Variants in KCNH8 observed in about 807,000 individuals in gnomAD.
KCNH8 encodes potassium voltage-gated channel subfamily H member 8.
KCNH8 carries 70 observed loss-of-function variants against 103.6 expected under a neutral mutation model. The ratio of observed to expected loss-of-function variants is 0.68; its 90% CI spans 0.56 to 0.82. The LOEUF is 0.82. Among genes scored for constraint, KCNH8 ranks in the 40% least tolerant of loss-of-function variants. KCNH8 has a pLI of 0.00. For missense variants in KCNH8, 1,217 were observed against 1,329.9 expected (o/e 0.92, Z 1.32); for synonymous variants, 498 against 489.4 (o/e 1.02, Z -0.23).
intron 3 of KCNH8, among the ~76,000 whole-genome samples, chr3:19,308,706 CTCTCTCTCTCT>C (rs2065166032): frequency 1.6e-4 from 13 of 82,182 alleles, no homozygotes; most frequent in African/African-American, 5.0e-4. Flanking sequence ...CTCTCTCTCT[CTCTCTCTCTCT>C]CCCCCTCTCT....
At chr3:19,260,495 T>G (rs1322069514) in intron 2 of KCNH8, among the ~76,000 whole-genome samples, 1,412 of 78,588 alleles carry the variant, frequency 0.018, 33 homozygotes, top group Non-Finnish European at 0.024. Flanking sequence ...AGGATATATA[T>G]ATATATATAT....
chr3:19,323,844 A>T (rs1019727302), intron 3 of KCNH8, among the ~76,000 whole-genome samples: 29 of 152,160 alleles, frequency 1.9e-4, no homozygotes, highest in African/African-American at 5.5e-4. Flanking sequence ...AAAGAGTCCT[A>T]TGATGTGATT....
At chr3:19,491,991 A>C (rs1288446771) in intron 11 of KCNH8, among the ~76,000 whole-genome samples, 2 of 152,072 alleles carry the variant, frequency 1.3e-5, no homozygotes, top group East Asian at 3.8e-4. Context: ...GAATCTGTTC[A>C]TGTCTTTTGC....
intron 1 of KCNH8, among the ~76,000 whole-genome samples, chr3:19,178,138 A>G (rs894245526): frequency 6.6e-5 from 10 of 152,116 alleles, no homozygotes; most frequent in African/African-American, 2.4e-4. Flanking sequence ...AAAATTCTGC[A>G]CTGGATTGTT....
intron 2 of KCNH8, among the ~76,000 whole-genome samples, chr3:19,260,499 T>G (rs1228858663): frequency 1.9e-5 from 2 of 102,754 alleles, no homozygotes; most frequent in Admixed American, 1.0e-4. Flanking sequence ...TATATATATA[T>G]ATATATATAT....
At chr3:19,296,417 T>C (rs2125285839) in intron 3 of KCNH8, among the ~76,000 whole-genome samples, 1 of 152,370 alleles carries the variant, frequency 6.6e-6, no homozygotes, top group South Asian at 2.1e-4. Flanking sequence ...CTAAAATGAC[T>C]GATTGCATTG....
At chr3:19,477,739 C>T (rs1425066151) in intron 11 of KCNH8, among the ~76,000 whole-genome samples, 1 of 152,138 alleles carries the variant, frequency 6.6e-6, no homozygotes, top group East Asian at 1.9e-4. Flanking sequence ...AGATGTCTTA[C>T]TATGAGTTAT....
At chr3:19,502,859 A>G (rs573168294) in intron 11 of KCNH8, among the ~76,000 whole-genome samples, 149 of 151,732 alleles carry the variant, frequency 9.8e-4, no homozygotes, top group African/African-American at 3.5e-3. Context: ...TTCAGGACAT[A>G]GGCATGGGCA....
chr3:19,306,651 G>A (rs1021232404), intron 3 of KCNH8, among the ~76,000 whole-genome samples: 31 of 152,074 alleles, frequency 2.0e-4, no homozygotes, highest in Non-Finnish European at 5.9e-5. Context: ...ATCAGGGCTG[G>A]CACAGAGGCA....
At chr3:19,153,321 A>G (rs1284024121) in intron 1 of KCNH8, among the ~76,000 whole-genome samples, 1 of 152,228 alleles carries the variant, frequency 6.6e-6, no homozygotes, top group Non-Finnish European at 1.5e-5. Flanking sequence ...ACATTATTAT[A>G]TAGAGAAAAT....
At chr3:19,348,984 C>T (rs552134928) in intron 5 of KCNH8, among the ~76,000 whole-genome samples, 1 of 151,646 alleles carries the variant, frequency 6.6e-6, no homozygotes, top group East Asian at 2.0e-4. Flanking sequence ...AATGTCAGCA[C>T]GTTTGCTTTG....
chr3:19,174,747 T>C (rs2063381079), intron 1 of KCNH8, among the ~76,000 whole-genome samples: 1 of 152,158 alleles, frequency 6.6e-6, no homozygotes, highest in Non-Finnish European at 1.5e-5. Context: ...GCATAGGAGA[T>C]GGATATGACT....
chr3:19,321,604 G>A (rs1370845339), intron 3 of KCNH8, among the ~76,000 whole-genome samples: 2 of 151,540 alleles, frequency 1.3e-5, no homozygotes, highest in Non-Finnish European at 2.9e-5. Flanking sequence ...CTATCATATG[G>A]TCTATCTTGG....
intron 11 of KCNH8, among the ~76,000 whole-genome samples, chr3:19,501,561 C>G (rs1250798231): frequency 6.6e-6 from 1 of 152,196 alleles, no homozygotes; most frequent in Non-Finnish European, 1.5e-5. Context: ...AGCAGCACAT[C>G]AAAAACGTTA....
chr3:19,440,234 A>AT (rs959501188), intron 8 of KCNH8, among the ~76,000 whole-genome samples: 54 of 152,264 alleles, frequency 3.5e-4, no homozygotes, highest in African/African-American at 1.3e-3. Flanking sequence ...ATTGCATGTA[A>AT]TTTTTTTAAG....
intron 11 of KCNH8, among the ~76,000 whole-genome samples, chr3:19,492,324 T>C (rs1438086501): frequency 6.6e-6 from 1 of 152,216 alleles, no homozygotes; most frequent in Admixed American, 6.5e-5. Context: ...TACTTCTATC[T>C]TTCATCCATC....
chr3:19,317,248 T>G (rs760240288), intron 3 of KCNH8, among the ~76,000 whole-genome samples: 3 of 151,954 alleles, frequency 2.0e-5, no homozygotes, highest in Non-Finnish European at 4.4e-5. Flanking sequence ...TGCTACAAAT[T>G]ATTAAGGCTG....
chr3:19,497,824 T>C (rs967936081), intron 11 of KCNH8, among the ~76,000 whole-genome samples: 2 of 152,198 alleles, frequency 1.3e-5, no homozygotes, highest in African/African-American at 2.4e-5. Flanking sequence ...ATTTGTCTAA[T>C]ACTCTCAATG....
intron 3 of KCNH8, among the ~76,000 whole-genome samples, chr3:19,340,084 A>G (rs974967529): frequency 6.6e-6 from 1 of 152,096 alleles, no homozygotes; most frequent in Admixed American, 6.6e-5. Context: ...GAATAATAAT[A>G]CTTATTTCAT....
Sources: gnomAD v4.1 joint callset for allele counts (sites outside exome capture counted in the v4.1 genomes callset) on GRCh38, gnomAD v4.1.1 for gene constraint, MANE v1.5 for transcripts, NCBI Gene and HGNC (gene_info 2026-07-23, HGNC 2026-07-21) for gene names.